ZNF496: variants seen among roughly 807,000 people sequenced by gnomAD.
ZNF496 encodes NSD1 (nuclear receptor binding SET-domain containing 1)-interacting zinc finger protein 1.
ZNF496 carries 11 observed loss-of-function variants against 58.9 expected under a neutral mutation model. That is an observed-to-expected ratio of 0.19 (90% CI 0.12 to 0.31). The LOEUF is 0.31. ZNF496 is among the 10% of genes least tolerant of loss of function. The probability of loss-of-function intolerance (pLI) is 1.00; values close to 1 mark genes in which losing one functional copy is unlikely to be tolerated. For synonymous variants in ZNF496, 338 were observed against 318.2 expected (o/e 1.06, Z -0.66); for missense variants, 660 against 783.0 (o/e 0.84, Z 1.88).
At chr1:247,331,731 CCGGGCGCGGGCCGAGGAGGG>C (rs1269958719) in intron 1 of ZNF496, 39 bp downstream of exon 1, 1 of 150,722 alleles carries the variant, frequency 6.6e-6, no homozygotes, top group Non-Finnish European at 1.5e-5. Flanking sequence ...GCCGCGGAGG[CCGGGCGCGGGCCGAGGAGGG>C]CGGGGCGGGG....
intron 6 of ZNF496, chr1:247,322,783 T>A (rs116211170): frequency 4.6e-6 from 6 of 1,297,750 alleles, no homozygotes; most frequent in Middle Eastern, 2.1e-4. Flanking sequence ...ATTGCTGCGA[T>A]GATTATTAAA....
In ZNF496 at chr1:247,308,929, TGC is replaced by T; in HGVS notation, c.893-343_893-342del. The stretch of plus-strand genomic sequence containing the variant: ...TTCTATAGTCATCACCACAGGCTCC[TGC>T]ACACTCCGCACATCCTGCACAAACA... On this transcript the variant is annotated intron_variant, in intron 8 of 9. Coordinates refer to ENST00000682384, the MANE Select transcript of ZNF496 (RefSeq NM_032752.3). The surrounding 1 kb of genome is among the most constrained non-coding windows in gnomAD (Gnocchi z 4.5). 7.5e-5 allele frequency: 24 copies of T among 321,794 alleles called. No homozygotes were observed. The highest frequency in any genetic ancestry group is 1.9e-4 in the South Asian group (7 of 36,508). The allele number at this position is 321,794 out of a possible 1,614,324, so 19.9% of individuals were successfully genotyped here. A position where few individuals can be genotyped will look rare whatever the true frequency, so the allele number is the denominator to read the frequency against.
chr1:247,301,396 G>A lies in ZNF496; in HGVS notation c.1007-120C>T, dbSNP rs534455568. On this transcript the variant is annotated intron_variant, in intron 9 of 9. Coordinates refer to ENST00000682384, the MANE Select transcript of ZNF496 (RefSeq NM_032752.3). The stretch of plus-strand genomic sequence containing the variant: ...AACCCGTGTTTTTACAATGGTCCTC[G>A]GTGACCGGGGCGGCCTGGCCAGCCC... The A allele has an allele frequency of 6.7e-6, 9 of 1,341,082 alleles. No homozygotes were observed. The Admixed American group carries it at 7.7e-5, about 11-fold the overall frequency. 83.1% of individuals were successfully genotyped at this position (1,341,082 alleles called of 1,614,324 possible).
At position 247,309,841 on chromosome 1, in the gene ZNF496, A is replaced by C. The variant is rs1276926404; in HGVS notation, c.785-35T>G. On this transcript the variant is annotated intron_variant, in intron 7 of 9. Transcript: ENST00000682384. The surrounding 1 kb of genome is among the most constrained non-coding windows in gnomAD (Gnocchi z 4.3). ...GAAAAAGGCAGGGTACATGTTTATT[A>C]GTAATCTGATCCTGCAGCAACCAGG... The C allele has an allele frequency of 1.2e-6, 2 of 1,608,938 alleles. No homozygotes were observed. The highest frequency in any genetic ancestry group is 3.3e-5 in the Admixed American group (2 of 59,836).
At chr1:247,320,438 G>A (rs936620779) in intron 6 of ZNF496, among the ~76,000 whole-genome samples, 4 of 152,206 alleles carry the variant, frequency 2.6e-5, no homozygotes, top group Non-Finnish European at 5.9e-5. Flanking sequence ...ACATCACAGA[G>A]CTGAAAAACA....
At chr1:247,326,113 C>T (rs548983515) in intron 5 of ZNF496, among the ~76,000 whole-genome samples, 6 of 148,900 alleles carry the variant, frequency 4.0e-5, no homozygotes, top group African/African-American at 1.2e-4. Context: ...TATACACACA[C>T]ATATATATAC....
chr1:247,329,012 C>A lies in ZNF496; in HGVS notation c.391-146G>T. The A allele has an allele frequency of 7.2e-7, 1 of 1,389,160 alleles. No homozygotes were observed. The highest frequency in any genetic ancestry group is 9.8e-7 in the Non-Finnish European group (1 of 1,023,442). The allele number at this position is 1,389,160 out of a possible 1,614,324, so 86.1% of individuals were successfully genotyped here. ...GTAAAGGGGCACGACACTATCATGCCCAAATTAGAGCCTTCAGGGAGTAAA... is the reference window on the plus strand; with the variant it reads ...GTAAAGGGGCACGACACTATCATGCACAAATTAGAGCCTTCAGGGAGTAAA... On this transcript the variant is annotated intron_variant, in intron 4 of 9. Transcript: ENST00000682384. The surrounding 1 kb of genome is among the most constrained non-coding windows in gnomAD (Gnocchi z 5.5).
Position 247,300,391 on chromosome 1 carries a change from TGA to T in ZNF496, c.*126_*127del, listed in dbSNP as rs1292383594. 2.7e-5 allele frequency: 29 copies of T among 1,055,276 alleles called. No homozygotes were observed. Among genetic ancestry groups the T allele is most frequent in the Non-Finnish European group, 3.8e-5 (29 of 761,134 alleles). 65.4% of individuals were successfully genotyped at this position (1,055,276 alleles called of 1,614,324 possible). On this transcript the variant is annotated 3_prime_UTR_variant, in exon 10 of 10. Coordinates refer to ENST00000682384, the MANE Select transcript of ZNF496 (RefSeq NM_032752.3). This position sits in a 1 kb window ranked among gnomAD's most constrained non-coding sequence, Gnocchi z 5.7. Reference sequence around the variant, plus strand: ...TGGCACCACCCGAACGCTCACTACCTGAGAGCAAGGACAGGAGGGAGGTGTGC... The same window carrying T: ...TGGCACCACCCGAACGCTCACTACCTGAGCAAGGACAGGAGGGAGGTGTGC...
chr1:247,301,858 GGCT>G (rs754486972), intron 9 of ZNF496, among the ~76,000 whole-genome samples: 1 of 152,162 alleles, frequency 6.6e-6, no homozygotes, highest in African/African-American at 2.4e-5. Context: ...CAGGAAGGAG[GGCT>G]GAAATGCTAC....
At position 247,298,198 on chromosome 1, in the gene ZNF496, C is replaced by T. The variant is rs559312363; in HGVS notation, c.*2321G>A. 55 of 152,310 alleles carry T rather than the reference C, an allele frequency of 3.6e-4. No individual in the cohort carries two copies. Among genetic ancestry groups the T allele is most frequent in the African/African-American group, 1.3e-3 (54 of 41,578 alleles). The allele number at this position is 152,310 out of a possible 1,614,324, so 9.4% of individuals were successfully genotyped here. A position where few individuals can be genotyped will look rare whatever the true frequency, so the allele number is the denominator to read the frequency against. ...ACTATTTAGAAAGTAAAAGCCTCAA[C>T]CGTTTATTTTGTGTTCAAAGTATAA... On this transcript the variant is annotated 3_prime_UTR_variant, in exon 10 of 10. Transcript: ENST00000682384.
rs1572091067 is a variant in ZNF496, at chr1:247,323,287, A to G, written c.575-57T>C. On this transcript the variant is annotated intron_variant, in intron 5 of 9. Coordinates refer to ENST00000682384, the MANE Select transcript of ZNF496 (RefSeq NM_032752.3). Reference sequence around the variant, plus strand: ...TGGGCCAGGGCCAGGCCTGGTGCTGATACCTTCTGAGCTTCCTGCGGCTCT... The same window carrying G: ...TGGGCCAGGGCCAGGCCTGGTGCTGGTACCTTCTGAGCTTCCTGCGGCTCT... 43 of 1,335,668 alleles carry G rather than the reference A, an allele frequency of 3.2e-5. No individual in the cohort carries two copies. In the East Asian group the frequency reaches 9.4e-4, roughly 29 times the overall value. The allele number at this position is 1,335,668 out of a possible 1,614,324, so 82.7% of individuals were successfully genotyped here.
At chr1:247,310,059 T>C in intron 7 of ZNF496, 1 of 1,428,178 alleles carries the variant, frequency 7.0e-7, no homozygotes, top group South Asian at 1.5e-5. Context: ...GTAAGAACGA[T>C]GGAAGAGAAA....
At chr1:247,324,834 C>T (rs1396070318) in intron 5 of ZNF496, among the ~76,000 whole-genome samples, 6 of 152,182 alleles carry the variant, frequency 3.9e-5, no homozygotes, top group Non-Finnish European at 7.3e-5. Flanking sequence ...CCTAAAGACC[C>T]TCATACAAAA....
At chr1:247,325,394 T>C (rs1026377765) in intron 5 of ZNF496, among the ~76,000 whole-genome samples, 1 of 152,248 alleles carries the variant, frequency 6.6e-6, no homozygotes, top group Non-Finnish European at 1.5e-5. Context: ...TATTAAGCTA[T>C]AATTGACAAA....
At chr1:247,318,284 C>T (rs1453707005) in intron 6 of ZNF496, among the ~76,000 whole-genome samples, 1 of 152,100 alleles carries the variant, frequency 6.6e-6, no homozygotes, top group Non-Finnish European at 1.5e-5. Context: ...CCTTAGCAGT[C>T]TGGAGAGGAG....
At chr1:247,331,304 G>C (rs781010087) in intron 2 of ZNF496, 128 bp downstream of exon 2, 7 of 152,522 alleles carry the variant, frequency 4.6e-5, no homozygotes, top group African/African-American at 1.7e-4. Flanking sequence ...GCGGAGGAGG[G>C]ACCGAGCTGG....
intron 6 of ZNF496, 167 bp from the exon 7 acceptor site, chr1:247,310,623 A>AG (rs1205502651): frequency 2.3e-6 from 2 of 857,216 alleles, no homozygotes; most frequent in Non-Finnish European, 3.5e-6. Context: ...TCAAGGTGCC[A>AG]GCAGGCTGGG....
chr1:247,301,287 G>C lies in ZNF496; in HGVS notation c.1007-11C>G. On this transcript the variant is annotated splice_polypyrimidine_tract_variant and intron_variant, in intron 9 of 9. Coordinates refer to ENST00000682384, the MANE Select transcript of ZNF496 (RefSeq NM_032752.3). ...GCGGGTTGCCGCCAGCTACAGGAAG[G>C]CAACATGCAGGTCAGCGACGCTGCA... is the stretch of plus-strand genomic sequence containing the variant. 2 of 1,506,938 alleles carry C rather than the reference G, an allele frequency of 1.3e-6. No individual in the cohort carries two copies. The highest frequency in any genetic ancestry group is 1.8e-6 in the Non-Finnish European group (2 of 1,132,590). The allele number at this position is 1,506,938 out of a possible 1,614,324, so 93.3% of individuals were successfully genotyped here.
chr1:247,302,906 A>G (rs1418795308), intron 9 of ZNF496, among the ~76,000 whole-genome samples: 2 of 152,130 alleles, frequency 1.3e-5, no homozygotes, highest in Non-Finnish European at 2.9e-5. Context: ...GACTTCTGTT[A>G]ATGGACTTGG....
Sources: allele counts gnomAD v4.1 joint callset (sites outside exome capture counted in the v4.1 genomes callset), GRCh38; gene constraint gnomAD v4.1.1; non-coding constraint Gnocchi (gnomAD v3.1); transcripts MANE v1.5; gene names NCBI Gene and HGNC (gene_info 2026-07-23, HGNC 2026-07-21).